RASGRF2: variants seen among roughly 807,000 people sequenced by gnomAD.
RASGRF2 encodes the protein Ras protein specific guanine nucleotide releasing factor 2.
Under a neutral mutation model 151.0 loss-of-function variants are expected in RASGRF2, and 76 were observed. The ratio of observed to expected loss-of-function variants is 0.50; its 90% CI spans 0.42 to 0.61. The LOEUF (loss-of-function observed/expected upper bound fraction) is 0.61. RASGRF2 is among the 20% of genes least tolerant of loss of function. The pLI is 0.00. For missense variants in RASGRF2, 1,148 were observed against 1,564.6 expected (o/e 0.73, Z 4.49); for synonymous variants, 504 against 566.5 (o/e 0.89, Z 1.57).
At chr5:81,019,814 A>C (rs753024016) in intron 1 of RASGRF2, among the ~76,000 whole-genome samples, 1 of 152,232 alleles carries the variant, frequency 6.6e-6, no homozygotes, top group African/African-American at 2.4e-5. Flanking sequence ...AAATTGAATA[A>C]ATATCTTTAT....
At chr5:80,976,199 A>C (rs1466763299) in intron 1 of RASGRF2, among the ~76,000 whole-genome samples, 5 of 152,150 alleles carry the variant, frequency 3.3e-5, no homozygotes, top group African/African-American at 1.2e-4. Context: ...TTTTATGAAC[A>C]TTGTTTTGTG....
intron 17 of RASGRF2, among the ~76,000 whole-genome samples, chr5:81,142,082 T>A (rs1231595315): frequency 1.3e-5 from 2 of 152,192 alleles, no homozygotes; most frequent in Admixed American, 6.5e-5. Context: ...AGGGTCTAGA[T>A]TACAAGCTAA....
intron 15 of RASGRF2, among the ~76,000 whole-genome samples, chr5:81,120,154 T>G (rs1190921339): frequency 6.6e-6 from 1 of 152,216 alleles, no homozygotes; most frequent in Non-Finnish European, 1.5e-5. Flanking sequence ...AGCCACTTCT[T>G]TGCATCTTTA....
chr5:80,999,514 T>A lies in RASGRF2; in HGVS notation c.288+38488T>A, dbSNP rs113816167. On this transcript the variant is annotated intron_variant, in intron 1 of 26. Transcript: ENST00000265080. ...CGTGCCACCATGCCTGGAATATTTA[T>A]TTTTATTTATTTATTTATTTATGTT... Among the ~76,000 whole-genome samples the A allele has an allele frequency of 9.0e-3, 1,367 of 152,076 alleles. 30 individuals are homozygous for A. Among genetic ancestry groups the A allele is most frequent in the African/African-American group, 0.032 (1,307 of 41,456 alleles).
intron 1 of RASGRF2, among the ~76,000 whole-genome samples, chr5:81,006,574 G>A (rs935057269): frequency 6.6e-6 from 1 of 152,070 alleles, no homozygotes; most frequent in Non-Finnish European, 1.5e-5. Context: ...CCTGTGTTTT[G>A]GTGATTTAGA....
At chr5:81,075,877 A>G (rs751338143) in intron 5 of RASGRF2, among the ~76,000 whole-genome samples, 6 of 152,208 alleles carry the variant, frequency 3.9e-5, no homozygotes, top group Non-Finnish European at 8.8e-5. Flanking sequence ...GAATGGTATT[A>G]CCAAGCAAGT....
Position 81,142,324 on chromosome 5 carries a change from G to A in RASGRF2, c.2686+15161G>A, listed in dbSNP as rs1753903446. ...ATTGATGGCAATGTGCTGCACGTGT[G>A]AATGGTGTGAAAACAGAAGGCTAAA... On this transcript the variant is annotated intron_variant, in intron 17 of 26. Coordinates refer to ENST00000265080, the MANE Select transcript of RASGRF2 (RefSeq NM_006909.3). Among the ~76,000 whole-genome samples, 3 of 152,158 alleles carry A rather than the reference G, an allele frequency of 2.0e-5. No homozygotes were observed. The South Asian group carries it at 6.2e-4, about 32-fold the overall frequency.
chr5:81,087,689 C>T (rs116384911), intron 9 of RASGRF2: 1 of 351,864 alleles, frequency 2.8e-6, no homozygotes, highest in Non-Finnish European at 5.2e-6. Flanking sequence ...GTGCTTAGGT[C>T]CTCTGGGGGA....
chr5:81,070,627 C>T lies in RASGRF2; in HGVS notation c.633+46C>T, dbSNP rs116057076. The T allele has an allele frequency of 9.9e-4, 1,491 of 1,502,990 alleles. 11 individuals carry two copies. In the African/African-American group the frequency reaches 0.019, roughly 19 times the overall value. The allele number at this position is 1,502,990 out of a possible 1,614,324, so 93.1% of individuals were successfully genotyped here. A position where few individuals can be genotyped will look rare whatever the true frequency, so the allele number is the denominator to read the frequency against. ...GCTTTGTAGGAGCATGGTGACCAGT[C>T]GTCTGTTCTATGGTGGTGTCTTTGC... On this transcript the variant is annotated intron_variant, in intron 4 of 26. Transcript: ENST00000265080.
At chr5:81,123,261 T>C (rs1381700778) in intron 15 of RASGRF2, among the ~76,000 whole-genome samples, 1 of 152,150 alleles carries the variant, frequency 6.6e-6, no homozygotes, top group Non-Finnish European at 1.5e-5. Context: ...GGCAAAGAAC[T>C]GGTGAAGTTC....
In RASGRF2 at chr5:81,168,793, G is replaced by T. The variant is rs1038522472; in HGVS notation, c.2687-11382G>T. On this transcript the variant is annotated intron_variant, in intron 17 of 26. Coordinates refer to ENST00000265080, the MANE Select transcript of RASGRF2 (RefSeq NM_006909.3). ...TGACTGACCCAGGTCACTGACAACC[G>T]ATAGCTTGCCAGAGTCAAATCCAAT... Among the ~76,000 whole-genome samples the T allele has an allele frequency of 2.6e-5, 4 of 152,286 alleles. No homozygotes were observed. In the East Asian group the frequency reaches 7.7e-4, roughly 29 times the overall value.
chr5:81,025,741 T>C (rs1165365032), intron 1 of RASGRF2, among the ~76,000 whole-genome samples: 1 of 152,152 alleles, frequency 6.6e-6, no homozygotes, highest in Non-Finnish European at 1.5e-5. Context: ...GCCCGTTATA[T>C]ATAGTATGAT....
At position 80,960,804 on chromosome 5, in the gene RASGRF2, G is replaced by A. The variant is rs373681724; in HGVS notation, c.66G>A (p.Glu22=). The change falls in exon 1 of 27, where the codon GAG becomes GAA. Residue 22 remains glutamate (E), a synonymous_variant. Transcript: ENST00000265080. The surrounding 1 kb of genome is among the most constrained non-coding windows in gnomAD (Gnocchi z 5.5). ...ACCTGGCCTTTCTGGCGCGCAAGGA[G>A]GGCACCAAGCGCGGCTTCCTGAGTA... ...ALYLAFLARK[E]GTKRGFLSKK... is the part of the protein sequence containing the mutation. 5.6e-6 allele frequency: 9 copies of A among 1,613,382 alleles called. No individual in the cohort carries two copies. The African/African-American group carries it at 1.2e-4, about 22-fold the overall frequency.
intron 1 of RASGRF2, among the ~76,000 whole-genome samples, chr5:80,982,652 G>C (rs7713388): frequency 6.7e-6 from 1 of 149,122 alleles, no homozygotes; most frequent in African/African-American, 2.5e-5. Context: ...CCAGGCTGGA[G>C]TGCAGTGGCA....
chr5:81,160,087 A>G (rs1754346982), intron 17 of RASGRF2, among the ~76,000 whole-genome samples: 1 of 152,152 alleles, frequency 6.6e-6, no homozygotes, highest in Non-Finnish European at 1.5e-5. Flanking sequence ...CAGGAGTTCA[A>G]CACCAGCCTG....
At chr5:81,095,169 G>T (rs1406791426) in intron 12 of RASGRF2, among the ~76,000 whole-genome samples, 177 bp downstream of exon 12, 2 of 151,988 alleles carry the variant, frequency 1.3e-5, no homozygotes, top group African/African-American at 4.8e-5. Context: ...TGTTGTTGTT[G>T]TTTCTCTTCT....
rs2112195139 is a variant in RASGRF2 at position 80,960,672 on chromosome 5, A to G, written c.-67A>G. 1 of 1,333,720 alleles carries G rather than the reference A, an allele frequency of 7.5e-7. No homozygotes were observed. The highest frequency in any genetic ancestry group is 1.9e-5 in the South Asian group (1 of 53,146). The allele number at this position is 1,333,720 out of a possible 1,614,324, so 82.6% of individuals were successfully genotyped here. Reference sequence around the variant, plus strand: ...GAGCGGTCGCGCCCTCGAGGGAGCCAGCTGGGCCATGGCCGCGAGGCAGGG... The same window carrying G: ...GAGCGGTCGCGCCCTCGAGGGAGCCGGCTGGGCCATGGCCGCGAGGCAGGG... On this transcript the variant is annotated 5_prime_UTR_variant, in exon 1 of 27. Coordinates refer to ENST00000265080, the MANE Select transcript of RASGRF2 (RefSeq NM_006909.3). This position sits in a 1 kb window ranked among gnomAD's most constrained non-coding sequence, Gnocchi z 5.5.
At chr5:81,163,242 G>A (rs1754428992) in intron 17 of RASGRF2, among the ~76,000 whole-genome samples, 1 of 152,096 alleles carries the variant, frequency 6.6e-6, no homozygotes, top group African/African-American at 2.4e-5. Flanking sequence ...TCCGTCTTCT[G>A]GGCCTTGATA....
chr5:81,002,425 A>G (rs1749110145), intron 1 of RASGRF2, among the ~76,000 whole-genome samples: 1 of 152,192 alleles, frequency 6.6e-6, no homozygotes, highest in Non-Finnish European at 1.5e-5. Context: ...ATGATGAGGG[A>G]TGAAAACAAA....
Sources: allele counts gnomAD v4.1 joint callset (sites outside exome capture counted in the v4.1 genomes callset), GRCh38; gene constraint gnomAD v4.1.1; non-coding constraint Gnocchi (gnomAD v3.1); transcripts MANE v1.5; gene names NCBI Gene and HGNC (gene_info 2026-07-23, HGNC 2026-07-21).